The following LRRC7 variants were observed in gnomAD, a reference collection of about 807,000 sequenced individuals.
The protein encoded by LRRC7 is leucine rich repeat containing 7, also known as leucine-rich repeat-containing protein 7.
In LRRC7, 23 loss-of-function variants were observed where a neutral mutation model predicts 175.7. The ratio of observed to expected loss-of-function variants is 0.13; its 90% CI spans 0.09 to 0.19. The LOEUF (loss-of-function observed/expected upper bound fraction) is 0.19. Ranked by LOEUF, LRRC7 falls within the 10% of genes least tolerant of loss-of-function variation. The probability of loss-of-function intolerance (pLI) is 1.00; values close to 1 mark genes in which losing one functional copy is unlikely to be tolerated. For missense variants in LRRC7, 1,354 were observed against 1,904.7 expected (o/e 0.71, Z 5.38); for synonymous variants, 685 against 680.9 (o/e 1.01, Z -0.09).
At chr1:69,676,504 A>G (rs972631514) in intron 1 of LRRC7, among the ~76,000 whole-genome samples, 4 of 152,124 alleles carry the variant, frequency 2.6e-5, no homozygotes, top group Non-Finnish European at 5.9e-5. Context: ...AAGTTAGTAA[A>G]GTGTACATTG....
At chr1:70,047,825 A>C (rs1418529609) in intron 22 of LRRC7, among the ~76,000 whole-genome samples, 1 of 152,024 alleles carries the variant, frequency 6.6e-6, no homozygotes, top group Non-Finnish European at 1.5e-5. Flanking sequence ...AATTAGTTTA[A>C]TAAATTTAAT....
intron 2 of LRRC7, among the ~76,000 whole-genome samples, chr1:69,740,296 C>G (rs991774746): frequency 2.6e-5 from 4 of 152,024 alleles, no homozygotes; most frequent in African/African-American, 9.7e-5. Flanking sequence ...GCAGATGGCT[C>G]CTTTCTTGCT....
chr1:69,781,337 CT>C (rs769863988), intron 3 of LRRC7, among the ~76,000 whole-genome samples: 2 of 151,958 alleles, frequency 1.3e-5, no homozygotes, highest in Non-Finnish European at 2.9e-5. Flanking sequence ...TCACCATTAT[CT>C]TTCCAAAGCT....
intron 7 of LRRC7, among the ~76,000 whole-genome samples, chr1:69,923,338 T>A (rs1646952815): frequency 6.6e-6 from 1 of 152,214 alleles, no homozygotes; most frequent in Non-Finnish European, 1.5e-5. Flanking sequence ...TACCCAGTAA[T>A]GGGATGGCTG....
At chr1:69,876,931 T>A (rs192832709) in intron 7 of LRRC7, among the ~76,000 whole-genome samples, 18 of 152,106 alleles carry the variant, frequency 1.2e-4, no homozygotes, top group Admixed American at 1.2e-3. Context: ...CCAGAAAGAG[T>A]ACAGAGAAGT....
At chr1:69,729,718 C>G (rs746435068) in intron 2 of LRRC7, among the ~76,000 whole-genome samples, 2 of 152,126 alleles carry the variant, frequency 1.3e-5, no homozygotes, top group Non-Finnish European at 2.9e-5. Flanking sequence ...ATGGTACAAG[C>G]TATAAGTGGA....
chr1:69,905,433 G>A (rs1287451437), intron 7 of LRRC7, among the ~76,000 whole-genome samples: 1 of 151,868 alleles, frequency 6.6e-6, no homozygotes, highest in Non-Finnish European at 1.5e-5. Context: ...ACAGTCCCCA[G>A]AGTGTGATAT....
chr1:69,806,876 C>T (rs1264011909), intron 4 of LRRC7, among the ~76,000 whole-genome samples: 3 of 151,920 alleles, frequency 2.0e-5, no homozygotes, highest in Non-Finnish European at 4.4e-5. Context: ...TAAATGATAC[C>T]ATCAGCTATA....
intron 7 of LRRC7, among the ~76,000 whole-genome samples, chr1:69,903,064 G>A (rs942856630): frequency 6.6e-6 from 1 of 152,004 alleles, no homozygotes; most frequent in African/African-American, 2.4e-5. Context: ...CATTTTTTTA[G>A]CATGATAATC....
At chr1:69,779,743 GTCACAA>G (rs1673265996) in intron 3 of LRRC7, among the ~76,000 whole-genome samples, 1 of 152,174 alleles carries the variant, frequency 6.6e-6, no homozygotes, top group South Asian at 2.1e-4. Context: ...ATCTATTGTA[GTCACAA>G]TCTTTCTGCA....
rs1666374011 is a variant in LRRC7 at position 70,124,789 on chromosome 1, A to G, written c.*2902A>G. 6.6e-6 allele frequency among the ~76,000 whole-genome samples: 1 copy of G among 152,080 alleles called. No individual in the cohort carries two copies. ...AAAAGAAAAATCAATAACAACAAAA[A>G]GAACTGGAATTCATGATGGCTCCAG... On this transcript the variant is annotated 3_prime_UTR_variant, in exon 27 of 27. Coordinates refer to ENST00000651989, the MANE Select transcript of LRRC7 (RefSeq NM_001370785.2).
Position 69,657,809 on chromosome 1 carries a change from C to T in LRRC7, c.3-20572C>T, listed in dbSNP as rs940832196. On this transcript the variant is annotated intron_variant, in intron 1 of 26. Coordinates refer to ENST00000651989, the MANE Select transcript of LRRC7 (RefSeq NM_001370785.2). Reference sequence around the variant, plus strand: ...GTTTCTGTCATGTTATGTTTCAGGCCGTTCCTTATTTCAGGTTCTTCACCA... The same window carrying T: ...GTTTCTGTCATGTTATGTTTCAGGCTGTTCCTTATTTCAGGTTCTTCACCA... Among the ~76,000 whole-genome samples, 12 of 151,766 alleles carry T rather than the reference C, an allele frequency of 7.9e-5. 1 individual carries two copies. Among genetic ancestry groups the T allele is most frequent in the Non-Finnish European group, 1.8e-4 (12 of 67,806 alleles).
At chr1:69,739,544 T>C (rs1468100023) in intron 2 of LRRC7, among the ~76,000 whole-genome samples, 2 of 152,060 alleles carry the variant, frequency 1.3e-5, no homozygotes, top group African/African-American at 4.8e-5. Flanking sequence ...AGCAAAAGAT[T>C]GTAATAAGAT....
intron 7 of LRRC7, among the ~76,000 whole-genome samples, chr1:69,882,764 G>GC (rs1287254247): frequency 5.4e-5 from 4 of 73,480 alleles, no homozygotes; most frequent in Admixed American, 3.5e-4. Flanking sequence ...TCCCTCCCCC[G>GC]CCCCCCACCC....
intron 1 of LRRC7, among the ~76,000 whole-genome samples, chr1:69,675,800 G>A (rs1441044831): frequency 2.6e-5 from 4 of 151,778 alleles, no homozygotes; most frequent in African/African-American, 9.7e-5. Flanking sequence ...CCCCCCACAC[G>A]CACACATATA....
intron 2 of LRRC7, among the ~76,000 whole-genome samples, chr1:69,696,392 G>A (rs1384376566): frequency 1.3e-5 from 2 of 152,196 alleles, no homozygotes; most frequent in East Asian, 1.9e-4. Context: ...TATCTTGGAA[G>A]TAAATAACTT....
chr1:69,700,707 A>T (rs1663231252), intron 2 of LRRC7, among the ~76,000 whole-genome samples: 2 of 152,224 alleles, frequency 1.3e-5, no homozygotes. Context: ...AGGAACAGGG[A>T]TCCAGAAAAT....
chr1:69,654,189 A>G (rs949943895), intron 1 of LRRC7, among the ~76,000 whole-genome samples: 1 of 151,916 alleles, frequency 6.6e-6, no homozygotes, highest in Non-Finnish European at 1.5e-5. Context: ...CCTTACATTT[A>G]TGTTAGGAAC....
chr1:69,930,301 A>G (rs1213488891), intron 7 of LRRC7, among the ~76,000 whole-genome samples: 1 of 152,018 alleles, frequency 6.6e-6, no homozygotes, highest in African/African-American at 2.4e-5. Flanking sequence ...ATTTTTTTGC[A>G]TTTCTGAGTA....
Sources: allele counts gnomAD v4.1 joint callset (sites outside exome capture counted in the v4.1 genomes callset), GRCh38; gene constraint gnomAD v4.1.1; transcripts MANE v1.5; gene names NCBI Gene and HGNC (gene_info 2026-07-23, HGNC 2026-07-21).